Variants in EXOC6B observed in about 807,000 individuals in gnomAD.
The protein encoded by EXOC6B is SEC15 homolog B.
A neutral mutation model predicts 113.5 loss-of-function variants in EXOC6B; 54 were observed. The observed-to-expected ratio is 0.48, with a 90% CI of 0.38 to 0.60. EXOC6B has a LOEUF of 0.60. Ranked by LOEUF, EXOC6B falls within the 20% of genes least tolerant of loss-of-function variation. The pLI, the probability that EXOC6B is intolerant of heterozygous loss-of-function variation, is 0.00. For missense variants in EXOC6B, 797 were observed against 977.5 expected, an observed-to-expected ratio of 0.82 and a Z score of 2.46; for synonymous variants, 357 against 339.0, an observed-to-expected ratio of 1.05 and a Z score of -0.58.
chr2:72,552,340 A>C (rs1421349066), intron 8 of EXOC6B, among the ~76,000 whole-genome samples: 1 of 152,222 alleles, frequency 6.6e-6, no homozygotes, highest in African/African-American at 2.4e-5. Context: ...TGAAGAGAGT[A>C]AACAAAATAA....
At chr2:72,305,267 A>G (rs748974397) in intron 20 of EXOC6B, among the ~76,000 whole-genome samples, 4 of 152,118 alleles carry the variant, frequency 2.6e-5, no homozygotes, top group Non-Finnish European at 5.9e-5. Flanking sequence ...CTAGAGGGGA[A>G]ACTTACTTAT....
chr2:72,294,342 T>C (rs1685991510), intron 20 of EXOC6B, among the ~76,000 whole-genome samples: 1 of 152,156 alleles, frequency 6.6e-6, no homozygotes, highest in Non-Finnish European at 1.5e-5. Flanking sequence ...ATTGATTTTT[T>C]ACAACAGAAG....
At chr2:72,772,667 T>C (rs1199277299) in intron 1 of EXOC6B, among the ~76,000 whole-genome samples, 1 of 151,812 alleles carries the variant, frequency 6.6e-6, no homozygotes, top group Non-Finnish European at 1.5e-5. Flanking sequence ...TAGGAATGCC[T>C]ACCTGCTGAC....
intron 20 of EXOC6B, among the ~76,000 whole-genome samples, chr2:72,244,298 G>A (rs1217069092): frequency 6.6e-6 from 1 of 152,130 alleles, no homozygotes; most frequent in Non-Finnish European, 1.5e-5. Flanking sequence ...TACATTTCTG[G>A]ATAAAGCATG....
chr2:72,306,670 T>G (rs984314316), intron 20 of EXOC6B, among the ~76,000 whole-genome samples: 2 of 152,142 alleles, frequency 1.3e-5, no homozygotes, highest in Non-Finnish European at 2.9e-5. Context: ...TCAAAAATAG[T>G]GGTCAGTTTT....
chr2:72,460,881 T>C (rs1241524471), intron 18 of EXOC6B, among the ~76,000 whole-genome samples: 1 of 151,390 alleles, frequency 6.6e-6, no homozygotes, highest in African/African-American at 2.4e-5. Context: ...GGACTATAAA[T>C]CATGCTGCTA....
intron 20 of EXOC6B, among the ~76,000 whole-genome samples, chr2:72,325,957 G>C (rs1688103238): frequency 6.6e-6 from 1 of 152,034 alleles, no homozygotes; most frequent in Non-Finnish European, 1.5e-5. Context: ...TTATAGCTAA[G>C]GGTGCTTCTT....
At chr2:72,602,241 T>G (rs1670478436) in intron 6 of EXOC6B, among the ~76,000 whole-genome samples, 2 of 152,206 alleles carry the variant, frequency 1.3e-5, no homozygotes, top group Non-Finnish European at 2.9e-5. Context: ...GCCATGAATG[T>G]CTTGGTCAGC....
At chr2:72,649,200 CTGGGAATGGTAT>C (rs1443864716) in intron 6 of EXOC6B, among the ~76,000 whole-genome samples, 6 of 151,996 alleles carry the variant, frequency 3.9e-5, no homozygotes, top group African/African-American at 1.5e-4. Context: ...TTACCACAGG[CTGGGAATGGTAT>C]TGGGTGGCAG....
intron 20 of EXOC6B, among the ~76,000 whole-genome samples, chr2:72,196,683 AT>A (rs1679190236): frequency 6.6e-6 from 1 of 152,186 alleles, no homozygotes; most frequent in Non-Finnish European, 1.5e-5. Flanking sequence ...CCTCCCAAAC[AT>A]TTTGTTAAGT....
chr2:72,397,660 T>TA (rs146573352), intron 18 of EXOC6B, among the ~76,000 whole-genome samples: 1 of 139,852 alleles, frequency 7.2e-6, no homozygotes, highest in Non-Finnish European at 1.5e-5. Context: ...TAAAATAAAA[T>TA]TATATATATA....
chr2:72,477,901 C>T (rs746347162), intron 17 of EXOC6B, among the ~76,000 whole-genome samples: 42 of 152,164 alleles, frequency 2.8e-4, no homozygotes, highest in Non-Finnish European at 5.9e-4. Flanking sequence ...CTTATCACTA[C>T]TTGCCATTAC....
intron 6 of EXOC6B, among the ~76,000 whole-genome samples, chr2:72,695,493 G>C (rs1231200418): frequency 6.6e-6 from 1 of 151,692 alleles, no homozygotes; most frequent in Non-Finnish European, 1.5e-5. Context: ...TTTTTGAACA[G>C]AGAAACCAAA....
At chr2:72,821,894 C>T (rs1380850792) in intron 1 of EXOC6B, among the ~76,000 whole-genome samples, 3 of 152,056 alleles carry the variant, frequency 2.0e-5, no homozygotes, top group East Asian at 3.9e-4. Flanking sequence ...CACAACTCTG[C>T]GAATATACAT....
chr2:72,723,787 G>A (rs1302118592), intron 5 of EXOC6B, among the ~76,000 whole-genome samples: 2 of 149,100 alleles, frequency 1.3e-5, no homozygotes, highest in East Asian at 1.9e-4. Flanking sequence ...GCCTAACAAG[G>A]AACAGACATG....
At chr2:72,700,533 G>T (rs1199760689) in intron 6 of EXOC6B, among the ~76,000 whole-genome samples, 1 of 152,148 alleles carries the variant, frequency 6.6e-6, no homozygotes, top group Non-Finnish European at 1.5e-5. Context: ...CAGTAATGGG[G>T]TCGAAATTGT....
intron 8 of EXOC6B, among the ~76,000 whole-genome samples, chr2:72,526,868 C>T (rs546690081): frequency 1.1e-3 from 168 of 152,004 alleles, no homozygotes; most frequent in African/African-American, 4.0e-3. Flanking sequence ...ATTATAGATT[C>T]ACATATAGTT....
intron 18 of EXOC6B, among the ~76,000 whole-genome samples, chr2:72,414,271 A>G (rs1032816215): frequency 1.3e-5 from 2 of 152,196 alleles, no homozygotes; most frequent in African/African-American, 4.8e-5. Context: ...TTCTACAAAT[A>G]ATTTTTCTAA....
At chr2:72,697,030 C>T (rs1415510503) in intron 6 of EXOC6B, among the ~76,000 whole-genome samples, 2 of 151,998 alleles carry the variant, frequency 1.3e-5, no homozygotes, top group African/African-American at 4.8e-5. Context: ...TAACAATGGA[C>T]CTCTCTCTAA....
Sources: allele counts gnomAD v4.1 joint callset (sites outside exome capture counted in the v4.1 genomes callset), GRCh38; gene constraint gnomAD v4.1.1; transcripts MANE v1.5; gene names NCBI Gene and HGNC (gene_info 2026-07-23, HGNC 2026-07-21).